Variants in ACSL3 observed in about 807,000 individuals in gnomAD.
ACSL3 encodes acyl-CoA synthetase long chain family member 3.
Under a neutral mutation model 84.7 loss-of-function variants are expected in ACSL3, and 34 were observed. The observed-to-expected ratio is 0.40, with a 90% CI of 0.31 to 0.53. The LOEUF (loss-of-function observed/expected upper bound fraction) is 0.53. Among genes scored for constraint, ACSL3 ranks in the 20% least tolerant of loss-of-function variants. The pLI is 0.48. For missense variants in ACSL3, 680 were observed against 873.1 expected, an observed-to-expected ratio of 0.78 and a Z score of 2.79; for synonymous variants, 315 against 299.4, an observed-to-expected ratio of 1.05 and a Z score of -0.54.
chr2:222,864,679 G>T (rs1220267763), intron 1 of ACSL3, among the ~76,000 whole-genome samples: 1 of 152,142 alleles, frequency 6.6e-6, no homozygotes, highest in African/African-American at 2.4e-5. Flanking sequence ...TTTCCAATAG[G>T]TTTGATTTCA....
In ACSL3 at chr2:222,921,336, A is replaced by G; in HGVS notation, c.862A>G (p.Ser288Gly). 1.9e-6 allele frequency: 3 copies of G among 1,604,510 alleles called. No homozygotes were observed. Among genetic ancestry groups the G allele is most frequent in the Non-Finnish European group, 2.6e-6 (3 of 1,171,906 alleles). ...AGATATTGCAGTAATCATGTACACA[A>G]GTGGATCCACAGGACTTCCAAAGGG... The part of the protein sequence containing the change: ...PSDIAVIMYT[S>G]GSTGLPKGVM... Residue 288 changes from serine to glycine, a missense_variant, in exon 8 of 17, where the codon AGT becomes GGT. By Grantham distance (56) the Ser-to-Gly change is moderately conservative (BLOSUM62 0). Transcript: ENST00000357430.
rs1320207594 is a variant in ACSL3 at position 222,941,762 on chromosome 2, T to C, written c.*108T>C. ...GCAAACTCCATTCCTCATATTAAAC[T>C]ATTACTTCTCATGACGTCACCATTT... On this transcript the variant is annotated 3_prime_UTR_variant, in exon 17 of 17. Coordinates refer to ENST00000357430, the MANE Select transcript of ACSL3 (RefSeq NM_004457.5). 2 of 1,231,038 alleles carry C rather than the reference T, an allele frequency of 1.6e-6. No homozygotes were observed. Among genetic ancestry groups the C allele is most frequent in the African/African-American group, 3.1e-5 (2 of 65,230 alleles). The allele number at this position is 1,231,038 out of a possible 1,614,324, so 76.3% of individuals were successfully genotyped here.
chr2:222,894,974 T>A (rs1019225860), intron 2 of ACSL3, among the ~76,000 whole-genome samples: 1 of 152,126 alleles, frequency 6.6e-6, no homozygotes, highest in Non-Finnish European at 1.5e-5. Context: ...ATCTTCAGAC[T>A]ATGTTACTAC....
chr2:222,928,537 C>G (rs1696941307), intron 12 of ACSL3, among the ~76,000 whole-genome samples: 1 of 152,098 alleles, frequency 6.6e-6, no homozygotes, highest in Middle Eastern at 3.2e-3. Context: ...CAGGCATGCC[C>G]TCTCTAACAG....
At chr2:222,908,061 G>C (rs1276499860) in intron 3 of ACSL3, among the ~76,000 whole-genome samples, 1 of 152,190 alleles carries the variant, frequency 6.6e-6, no homozygotes, top group Non-Finnish European at 1.5e-5. Flanking sequence ...CACGAGAGTG[G>C]GAACTTAGGC....
chr2:222,904,393 A>G (rs1409249856), intron 3 of ACSL3, among the ~76,000 whole-genome samples: 1 of 152,172 alleles, frequency 6.6e-6, no homozygotes, highest in Non-Finnish European at 1.5e-5. Context: ...TGAGAATAGT[A>G]ATGTATAGGA....
intron 2 of ACSL3, among the ~76,000 whole-genome samples, chr2:222,897,910 TGGAGAG>T (rs1185405850): frequency 0.43 from 781 of 1,812 alleles, 181 homozygotes; most frequent in Non-Finnish European, 0.45. Flanking sequence ...AGGGAGACCG[TGGAGAG>T]GGAGAGGGGG....
chr2:222,889,921 G>T (rs1485444769), intron 2 of ACSL3, among the ~76,000 whole-genome samples: 1 of 152,166 alleles, frequency 6.6e-6, no homozygotes, highest in Non-Finnish European at 1.5e-5. Context: ...TGTTGTTCAG[G>T]AATAGCTTTT....
intron 1 of ACSL3, among the ~76,000 whole-genome samples, chr2:222,862,523 GT>G (rs11449718): frequency 2.6e-5 from 4 of 152,006 alleles, no homozygotes; most frequent in Middle Eastern, 6.8e-3. Context: ...GTGCTGATGA[GT>G]TGCTCCTGAA....
chr2:222,886,634 A>T (rs1215976387), intron 1 of ACSL3, among the ~76,000 whole-genome samples: 1 of 152,240 alleles, frequency 6.6e-6, no homozygotes, highest in African/African-American at 2.4e-5. Context: ...TTTTAAAAAC[A>T]ATGTATTAAT....
At chr2:222,917,448 A>G (rs1408073317) in intron 5 of ACSL3, 2 of 152,132 alleles carry the variant, frequency 1.3e-5, no homozygotes, top group African/African-American at 4.8e-5. Context: ...TTGGATTTAC[A>G]TTGTTTCTTT....
intron 12 of ACSL3, among the ~76,000 whole-genome samples, chr2:222,928,359 C>T (rs1033574773): frequency 2.6e-5 from 4 of 152,140 alleles, no homozygotes; most frequent in African/African-American, 7.2e-5. Flanking sequence ...TACTGCACAT[C>T]GGTGAGGCCT....
intron 4 of ACSL3, among the ~76,000 whole-genome samples, chr2:222,911,707 GAA>G (rs1696444582): frequency 1.3e-5 from 2 of 152,194 alleles, no homozygotes; most frequent in Admixed American, 6.5e-5. Context: ...TGGTGAATAT[GAA>G]ATTTCTTCCT....
intron 1 of ACSL3, among the ~76,000 whole-genome samples, chr2:222,884,770 A>G (rs751653558): frequency 1.3e-5 from 2 of 152,218 alleles, no homozygotes; most frequent in Non-Finnish European, 2.9e-5. Context: ...TCAGCTTACT[A>G]CAACTACTTA....
intron 1 of ACSL3, among the ~76,000 whole-genome samples, chr2:222,867,928 C>T (rs76816612): frequency 0.081 from 12,222 of 150,676 alleles, 564 homozygotes; most frequent in Middle Eastern, 0.13. Context: ...GTAATGGGCA[C>T]TTTTCCTCGA....
At chr2:222,936,124 A>G (rs779973460) in intron 16 of ACSL3, among the ~76,000 whole-genome samples, 3 of 152,228 alleles carry the variant, frequency 2.0e-5, no homozygotes, top group Non-Finnish European at 2.9e-5. Context: ...CATTGTATGT[A>G]TATTGCACAT....
chr2:222,919,973 C>T (rs1253499099), intron 7 of ACSL3, among the ~76,000 whole-genome samples: 1 of 151,966 alleles, frequency 6.6e-6, no homozygotes, highest in Non-Finnish European at 1.5e-5. Context: ...GGTGAGGTCA[C>T]CAACAGGGAA....
rs545366437 is a variant in ACSL3, at chr2:222,931,238, T to A, written c.1732+426T>A. On this transcript the variant is annotated intron_variant, in intron 14 of 16. Transcript: ENST00000357430. ...CTTCTCCTTTTAGGTTCTTTTTTTT[T>A]AAAAGTTAATGGCATTTCAGTTAGC... Among the ~76,000 whole-genome samples, 81 of 152,160 alleles carry A rather than the reference T, an allele frequency of 5.3e-4. No individual in the cohort carries two copies. The South Asian group carries it at 0.01, about 20-fold the overall frequency.
chr2:222,868,944 T>A (rs1193716274), intron 1 of ACSL3, among the ~76,000 whole-genome samples: 3 of 149,716 alleles, frequency 2.0e-5, no homozygotes, highest in Non-Finnish European at 4.4e-5. Flanking sequence ...CACTCCAGCC[T>A]GGGCAACAGA....
Sources: gnomAD v4.1 joint callset for allele counts (sites outside exome capture counted in the v4.1 genomes callset) on GRCh38, gnomAD v4.1.1 for gene constraint, MANE v1.5 for transcripts, NCBI Gene and HGNC (gene_info 2026-07-23, HGNC 2026-07-21) for gene names.